The following MAGI2 variants were observed in gnomAD, a reference collection of about 807,000 sequenced individuals.
MAGI2 encodes membrane associated guanylate kinase, WW and PDZ domain containing 2.
MAGI2 carries 35 observed loss-of-function variants against 133.3 expected under a neutral mutation model. The ratio of observed to expected loss-of-function variants is 0.26; its 90% CI spans 0.20 to 0.35. MAGI2 has a LOEUF of 0.35. MAGI2 is among the 10% of genes least tolerant of loss of function. The pLI is 1.00. For synonymous variants in MAGI2, 729 were observed against 710.6 expected (o/e 1.03, Z -0.41); for missense variants, 1,636 against 1,863.4 (o/e 0.88, Z 2.25).
chr7:78,098,958 T>A (rs1451124684), intron 20 of MAGI2, among the ~76,000 whole-genome samples: 1 of 152,196 alleles, frequency 6.6e-6, no homozygotes, highest in Non-Finnish European at 1.5e-5. Flanking sequence ...TTGTTTTTAA[T>A]TCATGGAGTT....
chr7:78,142,331 T>TA (rs747269438), intron 16 of MAGI2, among the ~76,000 whole-genome samples: 3 of 152,180 alleles, frequency 2.0e-5, no homozygotes, highest in Non-Finnish European at 4.4e-5. Context: ...CCACTGTTCT[T>TA]AGTGTCTGCC....
At chr7:79,186,144 C>G (rs770885901) in intron 1 of MAGI2, among the ~76,000 whole-genome samples, 13 of 145,902 alleles carry the variant, frequency 8.9e-5, no homozygotes, top group Non-Finnish European at 1.8e-4. Flanking sequence ...CCATTTTTAC[C>G]ATTTGTTTCC....
intron 1 of MAGI2, among the ~76,000 whole-genome samples, chr7:79,238,319 C>A (rs1832091978): frequency 6.6e-6 from 1 of 152,076 alleles, no homozygotes; most frequent in South Asian, 2.1e-4. Flanking sequence ...TCCTCTTACA[C>A]CTCTCTACCT....
intron 3 of MAGI2, chr7:78,616,893 AT>A (rs1472767480): frequency 6.6e-6 from 1 of 152,180 alleles, no homozygotes; most frequent in Non-Finnish European, 1.5e-5. Flanking sequence ...GGTGCCAGTG[AT>A]TATTCTAAGT....
chr7:79,065,346 G>T (rs577588990), intron 1 of MAGI2, among the ~76,000 whole-genome samples: 36 of 152,126 alleles, frequency 2.4e-4, no homozygotes, highest in South Asian at 6.2e-4. Context: ...ACTGCTAGAG[G>T]GCAGGAAGAA....
At chr7:78,928,422 C>G (rs912367243) in intron 2 of MAGI2, among the ~76,000 whole-genome samples, 1 of 151,716 alleles carries the variant, frequency 6.6e-6, no homozygotes, top group Non-Finnish European at 1.5e-5. Flanking sequence ...AAAAAACCCT[C>G]AAGAACTGGA....
chr7:78,653,077 A>C (rs1354652583), intron 2 of MAGI2, among the ~76,000 whole-genome samples: 1 of 152,216 alleles, frequency 6.6e-6, no homozygotes, highest in Admixed American at 6.5e-5. Context: ...AATCAAAACC[A>C]CAATGAGATA....
At chr7:78,679,289 C>G (rs1815391486) in intron 2 of MAGI2, among the ~76,000 whole-genome samples, 1 of 152,130 alleles carries the variant, frequency 6.6e-6, no homozygotes, top group African/African-American at 2.4e-5. Flanking sequence ...CCACATTGTA[C>G]CATAATTGTT....
intron 9 of MAGI2, among the ~76,000 whole-genome samples, chr7:78,276,107 A>T (rs1383456034): frequency 6.6e-6 from 1 of 152,196 alleles, no homozygotes; most frequent in Non-Finnish European, 1.5e-5. Flanking sequence ...CTAAGGACTT[A>T]GTCAATGAAT....
chr7:78,137,950 G>GTA (rs1175276828), intron 16 of MAGI2, among the ~76,000 whole-genome samples: 2 of 151,942 alleles, frequency 1.3e-5, no homozygotes, highest in Non-Finnish European at 2.9e-5. Context: ...GTATATATAT[G>GTA]TATATATATG....
At chr7:79,261,860 T>G (rs1834116616) in intron 1 of MAGI2, among the ~76,000 whole-genome samples, 2 of 152,162 alleles carry the variant, frequency 1.3e-5, no homozygotes, top group South Asian at 4.1e-4. Context: ...TATTCCCCTA[T>G]CTTAATCAAC....
intron 1 of MAGI2, among the ~76,000 whole-genome samples, chr7:79,123,866 G>T (rs574575883): frequency 6.7e-6 from 1 of 149,496 alleles, no homozygotes; most frequent in Non-Finnish European, 1.5e-5. Flanking sequence ...TATTTATTGA[G>T]CAGTCACTAT....
At chr7:78,625,599 T>C (rs112693719) in intron 3 of MAGI2, among the ~76,000 whole-genome samples, 1,752 of 152,272 alleles carry the variant, frequency 0.012, 23 homozygotes, top group Middle Eastern at 0.024. Flanking sequence ...CAGTAGTATA[T>C]AGTAATTTCC....
chr7:79,130,953 A>G (rs1820892274), intron 1 of MAGI2, among the ~76,000 whole-genome samples: 1 of 152,100 alleles, frequency 6.6e-6, no homozygotes, highest in African/African-American at 2.4e-5. Flanking sequence ...TCACTCACTC[A>G]TTCATTCATT....
At chr7:78,572,078 T>C (rs878861016) in intron 3 of MAGI2, among the ~76,000 whole-genome samples, 2 of 152,044 alleles carry the variant, frequency 1.3e-5, no homozygotes, top group African/African-American at 4.8e-5. Context: ...TACAACAAAT[T>C]AAAAAAAGAA....
At chr7:78,536,989 C>T (rs1454598788) in intron 3 of MAGI2, among the ~76,000 whole-genome samples, 3 of 152,030 alleles carry the variant, frequency 2.0e-5, no homozygotes, top group Admixed American at 1.3e-4. Context: ...AGTCCTCAGT[C>T]CGTTGTATCA....
intron 8 of MAGI2, among the ~76,000 whole-genome samples, 165 bp downstream of exon 8, chr7:78,345,757 C>A (rs577553209): frequency 6.6e-6 from 1 of 152,296 alleles, no homozygotes; most frequent in South Asian, 2.1e-4. Context: ...TTGCTAAAGG[C>A]ATTAGTTTAG....
At chr7:78,260,177 C>T (rs975893374) in intron 9 of MAGI2, among the ~76,000 whole-genome samples, 1 of 152,120 alleles carries the variant, frequency 6.6e-6, no homozygotes, top group Non-Finnish European at 1.5e-5. Flanking sequence ...CTCTTATAGA[C>T]GGGGATGTCA....
intron 6 of MAGI2, among the ~76,000 whole-genome samples, chr7:78,429,421 A>G (rs879858755): frequency 2.6e-4 from 39 of 152,190 alleles, no homozygotes; most frequent in Non-Finnish European, 5.0e-4. Flanking sequence ...AGAAGAGGGT[A>G]GGGGAGGTAG....
Sources: allele counts gnomAD v4.1 joint callset (sites outside exome capture counted in the v4.1 genomes callset), GRCh38; gene constraint gnomAD v4.1.1; transcripts MANE v1.5; gene names NCBI Gene and HGNC (gene_info 2026-07-23, HGNC 2026-07-21).